The following MICAL2 variants were observed in gnomAD, a reference collection of about 807,000 sequenced individuals.
MICAL2 encodes the protein [F-actin]-monooxygenase MICAL2.
In MICAL2, 77 loss-of-function variants were observed where a neutral mutation model predicts 127.3. That is an observed-to-expected ratio of 0.60 (90% confidence interval 0.50 to 0.73). The LOEUF (loss-of-function observed/expected upper bound fraction) is 0.73. Ranked by LOEUF, MICAL2 falls within the 30% of genes least tolerant of loss-of-function variation. The probability of loss-of-function intolerance (pLI) is 0.00; values close to 1 mark genes in which losing one functional copy is unlikely to be tolerated. For synonymous variants in MICAL2, 570 were observed against 551.1 expected, an observed-to-expected ratio of 1.03 and a Z score of -0.48; for missense variants, 1,351 against 1,434.4, an observed-to-expected ratio of 0.94 and a Z score of 0.94.
At chr11:12,324,821 C>A (rs1057273344) in intron 31 of MICAL2, among the ~76,000 whole-genome samples, 1 of 152,208 alleles carries the variant, frequency 6.6e-6, no homozygotes, top group Non-Finnish European at 1.5e-5. Flanking sequence ...TACCCTTCCC[C>A]GTGGCTGACT....
chr11:12,188,713 C>A (rs1440485976), intron 3 of MICAL2, among the ~76,000 whole-genome samples: 1 of 152,152 alleles, frequency 6.6e-6, no homozygotes, highest in East Asian at 1.9e-4. Context: ...ACCTGTGACC[C>A]TGGGCAGGTT....
At chr11:12,126,680 C>T (rs144910491) in intron 1 of MICAL2, among the ~76,000 whole-genome samples, 1 of 144,758 alleles carries the variant, frequency 6.9e-6, no homozygotes, top group East Asian at 2.0e-4. Context: ...TTACAGTGGG[C>T]TTGGGAAAGC....
At chr11:12,146,981 G>A (rs949850304) in intron 2 of MICAL2, among the ~76,000 whole-genome samples, 2 of 151,964 alleles carry the variant, frequency 1.3e-5, no homozygotes, top group African/African-American at 4.8e-5. Context: ...AACACTGCAT[G>A]TTCTCACTCA....
chr11:12,224,880 A>G, intron 13 of MICAL2, 60 bp downstream of exon 13: 1 of 1,527,098 alleles, frequency 6.5e-7, no homozygotes, highest in Non-Finnish European at 9.0e-7. Flanking sequence ...ATTCTGCTGC[A>G]TGCAGAATCT....
exon 2 of MICAL2, chr11:12,281,047 C>T: frequency 2.5e-6 from 1 of 399,020 alleles, no homozygotes; most frequent in Non-Finnish European, 4.4e-6. Context: ...TAGGGGAGGC[C>T]CTGAGCAGGG....
chr11:12,199,066 A>G (rs955921497), intron 3 of MICAL2, among the ~76,000 whole-genome samples: 1 of 152,176 alleles, frequency 6.6e-6, no homozygotes, highest in Non-Finnish European at 1.5e-5. Context: ...ACTTTAGACC[A>G]ATAGTACCTG....
At chr11:12,155,225 T>C (rs1004577497) in intron 2 of MICAL2, among the ~76,000 whole-genome samples, 7 of 152,202 alleles carry the variant, frequency 4.6e-5, no homozygotes, top group Non-Finnish European at 1.0e-4. Context: ...GATGAAGATA[T>C]GGAGTGCTGG....
intron 32 of MICAL2, among the ~76,000 whole-genome samples, chr11:12,337,578 C>T (rs1186363898): frequency 6.6e-6 from 1 of 152,026 alleles, no homozygotes; most frequent in Non-Finnish European, 1.5e-5. Flanking sequence ...CCTGCTTTCT[C>T]TTTTGGGCAT....
At chr11:12,122,748 G>A (rs1350093999) in intron 1 of MICAL2, among the ~76,000 whole-genome samples, 1 of 152,180 alleles carries the variant, frequency 6.6e-6, no homozygotes, top group Admixed American at 6.5e-5. Context: ...CTCAGTCAAA[G>A]CACCTGTGTG....
rs1028096890 is a variant in MICAL2 at position 12,260,467 on chromosome 11, T to C, written c.3334+570T>C. The C allele has an allele frequency of 6.2e-6, 7 of 1,132,714 alleles. No homozygotes were observed. In the Admixed American group the frequency reaches 2.8e-4, roughly 45 times the overall value. The allele number at this position is 1,132,714 out of a possible 1,614,324, so 70.2% of individuals were successfully genotyped here. A position where few individuals can be genotyped will look rare whatever the true frequency, so the allele number is the denominator to read the frequency against. On this transcript the variant is annotated intron_variant, in intron 26 of 27. Coordinates refer to ENST00000683283, the MANE Select transcript of MICAL2 (RefSeq NM_001282663.2). ...TTAGCCCAGAGAAAGCATTTTTTTCTATGAGTGTCAATTTTTCTAAACATG... is the reference window on the plus strand; with the variant it reads ...TTAGCCCAGAGAAAGCATTTTTTTCCATGAGTGTCAATTTTTCTAAACATG...
intron 32 of MICAL2, among the ~76,000 whole-genome samples, chr11:12,339,346 T>C (rs1938821237): frequency 6.6e-6 from 1 of 152,198 alleles, no homozygotes; most frequent in African/African-American, 2.4e-5. Context: ...TAGTTAGCCA[T>C]TCATCTAATT....
Position 12,256,944 on chromosome 11 carries a change from G to GC in MICAL2, c.3117dup (p.Ala1040ArgfsTer5). 1 of 1,613,762 alleles carries GC rather than the reference G, an allele frequency of 6.2e-7. No individual in the cohort carries two copies. ...CATCTGTGCCACCACCTTGCGCCTG[G>GC]CCGCCTACACCTTTGACTGCGATGA... On this transcript the variant is annotated frameshift_variant, in exon 24 of 28. Transcript: ENST00000683283. LOFTEE classifies it high-confidence loss of function.
At position 12,256,939 on chromosome 11, in the gene MICAL2, G is replaced by A. The variant is rs368099985; in HGVS notation, c.3110G>A (p.Arg1037His). ...TGCAGCATCTGTGCCACCACCTTGCGCCTGGCCGCCTACACCTTTGACTGC... is the reference window on the plus strand; with the variant it reads ...TGCAGCATCTGTGCCACCACCTTGCACCTGGCCGCCTACACCTTTGACTGC... ...FRCSICATTLRLAAYTFDCDE... is the reference protein window; with the variant it reads ...FRCSICATTLHLAAYTFDCDE... Residue 1037 changes from arginine to histidine, a missense_variant, in exon 24 of 28, where the codon CGC becomes CAC. By Grantham distance (29) the Arg-to-His change is conservative. Coordinates refer to ENST00000683283, the MANE Select transcript of MICAL2 (RefSeq NM_001282663.2). 63 of 1,613,860 alleles carry A rather than the reference G, an allele frequency of 3.9e-5. No homozygotes were observed. In the African/African-American group the frequency reaches 4.3e-4, roughly 11 times the overall value.
intron 3 of MICAL2, among the ~76,000 whole-genome samples, chr11:12,181,941 A>T (rs1307551125): frequency 5.9e-5 from 9 of 152,252 alleles, no homozygotes; most frequent in Non-Finnish European, 8.8e-5. Context: ...TTACAGGGAC[A>T]CTGTAGGCAA....
chr11:12,240,206 T>G (rs1052930234), intron 17 of MICAL2, among the ~76,000 whole-genome samples: 3 of 152,176 alleles, frequency 2.0e-5, no homozygotes, highest in Non-Finnish European at 4.4e-5. Context: ...GGGGTTAGTG[T>G]GAGGCTGGAG....
At chr11:12,271,470 C>G (rs1023584214), upstream of MICAL2, among the ~76,000 whole-genome samples, 2 of 152,208 alleles carry the variant, frequency 1.3e-5, no homozygotes, top group African/African-American at 4.8e-5. Flanking sequence ...GGAGGCCCAG[C>G]TGCGGTGATA....
intron 32 of MICAL2, among the ~76,000 whole-genome samples, chr11:12,331,425 G>A (rs1218535918): frequency 1.3e-5 from 2 of 152,126 alleles, no homozygotes; most frequent in African/African-American, 2.4e-5. Context: ...TCTTCTTCCC[G>A]GAGATTGAGG....
chr11:12,148,041 T>TA (rs140749271), intron 2 of MICAL2, among the ~76,000 whole-genome samples: 168 of 152,202 alleles, frequency 1.1e-3, no homozygotes, highest in African/African-American at 3.7e-3. Context: ...CTCCAGCCCA[T>TA]CCCTTAAGAT....
intron 1 of MICAL2, among the ~76,000 whole-genome samples, chr11:12,123,332 C>T (rs1850662414): frequency 6.6e-6 from 1 of 152,080 alleles, no homozygotes; most frequent in South Asian, 2.1e-4. Context: ...CATCAATGTC[C>T]ATGGTTTTCT....
Sources: gnomAD v4.1 joint callset for allele counts (sites outside exome capture counted in the v4.1 genomes callset) on GRCh38, gnomAD v4.1.1 for gene constraint, MANE v1.5 for transcripts, NCBI Gene and HGNC (gene_info 2026-07-23, HGNC 2026-07-21) for gene names.